Variants in SAMTOR observed in about 807,000 individuals in gnomAD.
SAMTOR encodes S-adenosylmethionine sensor upstream of mTORC1, also known as UPF0532 protein C7orf60.
At chr7:112,874,666 T>C in the SAMTOR span, among the ~76,000 whole-genome samples, 12 of 152,140 alleles carry the variant, frequency 7.9e-5, no homozygotes, top group South Asian at 4.1e-4. Context: ...TACAGAAATA[T>C]GTTGAATTAA....
At chr7:112,847,702 C>T in the SAMTOR span, among the ~76,000 whole-genome samples, 1 of 152,074 alleles carries the variant, frequency 6.6e-6, no homozygotes, top group Non-Finnish European at 1.5e-5. Context: ...TGCTTGAACG[C>T]GGGAGGCGGA....
chr7:112,920,578 T>C, the SAMTOR span, among the ~76,000 whole-genome samples: 2 of 149,298 alleles, frequency 1.3e-5, no homozygotes, highest in Non-Finnish European at 1.5e-5. Context: ...TTATTCAACA[T>C]AGTGTTGGAA....
At chr7:112,887,101 G>A in the SAMTOR span, among the ~76,000 whole-genome samples, 1 of 152,048 alleles carries the variant, frequency 6.6e-6, no homozygotes, top group Non-Finnish European at 1.5e-5. Context: ...GGACCTGGGA[G>A]GCAGAGGCTG....
chr7:112,842,846 G>C, the SAMTOR span, among the ~76,000 whole-genome samples: 1 of 151,932 alleles, frequency 6.6e-6, no homozygotes, highest in African/African-American at 2.4e-5. Flanking sequence ...CCAATCTTAA[G>C]TGATCTTAAC....
chr7:112,895,558 A>C, the SAMTOR span: 1 of 1,510,744 alleles, frequency 6.6e-7, no homozygotes, highest in Non-Finnish European at 9.0e-7. Context: ...AAGTAGAAAA[A>C]GTATACTTAC....
chr7:112,894,820 T>G, the SAMTOR span, among the ~76,000 whole-genome samples: 1 of 152,154 alleles, frequency 6.6e-6, no homozygotes, highest in African/African-American at 2.4e-5. Context: ...AGAGCCACAG[T>G]GAGTACATGC....
At chr7:112,919,225 G>T in the SAMTOR span, among the ~76,000 whole-genome samples, 20 of 152,182 alleles carry the variant, frequency 1.3e-4, no homozygotes, top group African/African-American at 4.3e-4. Flanking sequence ...AAATGTAAAA[G>T]AACAGAAATT....
At chr7:112,892,498 G>C in the SAMTOR span, among the ~76,000 whole-genome samples, 127 of 152,296 alleles carry the variant, frequency 8.3e-4, no homozygotes, top group Middle Eastern at 3.4e-3. Flanking sequence ...GCCAGGCTCA[G>C]TGACTCATGC....
the SAMTOR span, among the ~76,000 whole-genome samples, chr7:112,921,511 C>T: frequency 6.6e-6 from 1 of 150,422 alleles, no homozygotes; most frequent in East Asian, 1.9e-4. Context: ...AAAACCTAGG[C>T]ATTACCATTC....
the SAMTOR span, among the ~76,000 whole-genome samples, chr7:112,914,093 A>C: frequency 6.6e-6 from 1 of 152,064 alleles, no homozygotes; most frequent in Admixed American, 6.5e-5. Context: ...TTAAATACAT[A>C]TTTTTCTCTG....
the SAMTOR span, among the ~76,000 whole-genome samples, chr7:112,909,474 A>G: frequency 6.6e-6 from 1 of 152,194 alleles, no homozygotes; most frequent in Non-Finnish European, 1.5e-5. Flanking sequence ...CCCAAACTGA[A>G]AATTAAGTGA....
chr7:112,844,020 A>ATGTCT, the SAMTOR span, among the ~76,000 whole-genome samples: 3 of 152,118 alleles, frequency 2.0e-5, no homozygotes, highest in Non-Finnish European at 4.4e-5. Context: ...AGAACTAAAG[A>ATGTCT]CAAAAACCAC....
the SAMTOR span, chr7:112,821,595 G>A: frequency 4.4e-6 from 3 of 680,758 alleles, no homozygotes; most frequent in East Asian, 8.6e-5. Context: ...TTTTAAAATT[G>A]AGAAGTAGAA....
chr7:112,873,280 T>TA, the SAMTOR span, among the ~76,000 whole-genome samples: 1 of 151,972 alleles, frequency 6.6e-6, no homozygotes, highest in Non-Finnish European at 1.5e-5. Flanking sequence ...CAGCCAAAGT[T>TA]AAAAAGCTGG....
At chr7:112,852,758 A>G in the SAMTOR span, among the ~76,000 whole-genome samples, 97 of 152,238 alleles carry the variant, frequency 6.4e-4, no homozygotes, top group African/African-American at 2.3e-3. Context: ...ATGAAAATCT[A>G]ATTTGTCATG....
chr7:112,849,780 C>T, the SAMTOR span, among the ~76,000 whole-genome samples: 1 of 152,086 alleles, frequency 6.6e-6, no homozygotes. Context: ...CCTGCAATGC[C>T]TAGTTTGTTG....
chr7:112,853,624 T>C, the SAMTOR span, among the ~76,000 whole-genome samples: 2 of 152,158 alleles, frequency 1.3e-5, no homozygotes, highest in African/African-American at 4.8e-5. Flanking sequence ...TACCCAAGTA[T>C]GTAGTTTACA....
chr7:112,901,840 ACT>A, the SAMTOR span, among the ~76,000 whole-genome samples: 1 of 152,214 alleles, frequency 6.6e-6, no homozygotes, highest in Non-Finnish European at 1.5e-5. Flanking sequence ...AAAATGTTAC[ACT>A]TTTTACAGCA....
the SAMTOR span, among the ~76,000 whole-genome samples, chr7:112,861,393 G>A: frequency 6.6e-6 from 1 of 152,174 alleles, no homozygotes. Flanking sequence ...TGTAGTCCCA[G>A]TTACTTGAGA....
Sources: gnomAD v4.1 joint callset for allele counts (sites outside exome capture counted in the v4.1 genomes callset) on GRCh38, gnomAD v4.1.1 for gene constraint, MANE v1.5 for transcripts, NCBI Gene and HGNC (gene_info 2026-07-23, HGNC 2026-07-21) for gene names.